The following PDS5B variants were observed in gnomAD, a reference collection of about 807,000 sequenced individuals.
PDS5B encodes the protein PDS5 cohesin associated factor B, also known as sister chromatid cohesion protein PDS5 homolog B.
PDS5B carries 51 observed loss-of-function variants against 184.1 expected under a neutral mutation model. That is an observed-to-expected ratio of 0.28 (90% CI 0.22 to 0.35). PDS5B has a LOEUF of 0.35. PDS5B is among the 10% of genes least tolerant of loss of function. The probability of loss-of-function intolerance (pLI) is 1.00; values close to 1 mark genes in which losing one functional copy is unlikely to be tolerated. For synonymous variants in PDS5B, 566 were observed against 569.2 expected (o/e 0.99, Z 0.08); for missense variants, 1,180 against 1,723.3 (o/e 0.68, Z 5.58).
At chr13:32,627,704 A>T (rs903496840) in intron 1 of PDS5B, among the ~76,000 whole-genome samples, 2 of 152,206 alleles carry the variant, frequency 1.3e-5, no homozygotes, top group Non-Finnish European at 2.9e-5. Flanking sequence ...AGTGATAAGT[A>T]TTAAGGATTG....
At chr13:32,713,423 A>G (rs959410070) in intron 19 of PDS5B, among the ~76,000 whole-genome samples, 10 of 152,236 alleles carry the variant, frequency 6.6e-5, no homozygotes, top group African/African-American at 2.4e-4. Flanking sequence ...TACTTAAATA[A>G]CTGTCTTAGT....
intron 1 of PDS5B, among the ~76,000 whole-genome samples, chr13:32,603,004 A>G (rs1004328321): frequency 2.5e-4 from 38 of 152,228 alleles, no homozygotes; most frequent in Non-Finnish European, 3.5e-4. Flanking sequence ...GCCCTTTGTC[A>G]GATGGGTAGA....
In PDS5B at chr13:32,745,867, A is replaced by AT. The variant is rs374166185; in HGVS notation, c.2613-101dup. On this transcript the variant is annotated intron_variant, in intron 23 of 34. Coordinates refer to ENST00000315596, the MANE Select transcript of PDS5B (RefSeq NM_015032.4). The stretch of plus-strand genomic sequence containing the variant: ...GGGACACAAACATTCAGATCACAGC[A>AT]TTTTTTTTTAAACTTTTTTGTGCCA... 1,260 of 846,046 alleles carry AT rather than the reference A, an allele frequency of 1.5e-3. 2 individuals carry two copies. Among genetic ancestry groups the AT allele is most frequent in the African/African-American group, 0.012 (716 of 58,136 alleles). 52.4% of individuals were successfully genotyped at this position (846,046 alleles called of 1,614,324 possible). A position where few individuals can be genotyped will look rare whatever the true frequency, so the allele number is the denominator to read the frequency against.
intron 13 of PDS5B, among the ~76,000 whole-genome samples, chr13:32,692,867 T>C (rs1951595573): frequency 6.7e-6 from 1 of 149,652 alleles, no homozygotes; most frequent in Non-Finnish European, 1.5e-5. Flanking sequence ...ATAAACATGT[T>C]ATAATACAAG....
intron 24 of PDS5B, among the ~76,000 whole-genome samples, chr13:32,746,320 C>T (rs908170401): frequency 6.6e-6 from 1 of 152,140 alleles, no homozygotes; most frequent in Admixed American, 6.5e-5. Context: ...TAGTTTTGTT[C>T]TATAATGTTA....
At chr13:32,691,299 C>T (rs1422514094) in intron 13 of PDS5B, 1 of 151,840 alleles carries the variant, frequency 6.6e-6, no homozygotes, top group East Asian at 1.9e-4. Context: ...TATTCTATTT[C>T]CAAGATTCAG....
chr13:32,745,583 A>T (rs1953714188), intron 23 of PDS5B, among the ~76,000 whole-genome samples: 1 of 152,200 alleles, frequency 6.6e-6, no homozygotes, highest in South Asian at 2.1e-4. Flanking sequence ...TATATCTCAC[A>T]GTTCTGGAGG....
intron 3 of PDS5B, 85 bp downstream of exon 3, chr13:32,652,092 G>T: frequency 2.3e-6 from 2 of 861,446 alleles, no homozygotes; most frequent in South Asian, 1.5e-5. Flanking sequence ...GTATTTAGAT[G>T]ATTTCCTTGG....
At chr13:32,685,710 A>G (rs1951366396) in intron 11 of PDS5B, among the ~76,000 whole-genome samples, 1 of 152,186 alleles carries the variant, frequency 6.6e-6, no homozygotes, top group Non-Finnish European at 1.5e-5. Flanking sequence ...CAGTGGTGCC[A>G]TCACGGCTCA....
chr13:32,673,168 T>G (rs1360270721), intron 7 of PDS5B, 48 bp from the exon 8 acceptor site: 3 of 1,524,626 alleles, frequency 2.0e-6, no homozygotes, highest in Non-Finnish European at 2.7e-6. Context: ...AACATTCAAC[T>G]TGTCTCTGGT....
At chr13:32,589,254 G>A (rs1277502521) in intron 1 of PDS5B, among the ~76,000 whole-genome samples, 1 of 152,118 alleles carries the variant, frequency 6.6e-6, no homozygotes, top group African/African-American at 2.4e-5. Flanking sequence ...AGATATCCTG[G>A]AAGCTTAGAA....
At chr13:32,768,469 TGGG>T (rs369810015) in intron 31 of PDS5B, among the ~76,000 whole-genome samples, 1 of 152,076 alleles carries the variant, frequency 6.6e-6, no homozygotes, top group African/African-American at 2.4e-5. Flanking sequence ...TCTTTGGTGG[TGGG>T]GGCCACAATT....
chr13:32,605,047 TG>T (rs1467621444), intron 1 of PDS5B, among the ~76,000 whole-genome samples: 1 of 152,222 alleles, frequency 6.6e-6, no homozygotes, highest in Non-Finnish European at 1.5e-5. Flanking sequence ...ATTGATATTT[TG>T]AAGGGTTTTT....
intron 20 of PDS5B, among the ~76,000 whole-genome samples, chr13:32,733,985 A>AAC (rs148714647): frequency 0.03 from 4,231 of 141,924 alleles, 67 homozygotes; most frequent in South Asian, 0.05. Context: ...CAAAAATTAA[A>AAC]ACACACACAC....
At chr13:32,703,872 T>TA (rs1951931683) in intron 17 of PDS5B, among the ~76,000 whole-genome samples, 1 of 152,228 alleles carries the variant, frequency 6.6e-6, no homozygotes, top group African/African-American at 2.4e-5. Flanking sequence ...ACTTTTTTTT[T>TA]CATTTATGTC....
At chr13:32,639,132 A>G (rs930282921) in intron 1 of PDS5B, among the ~76,000 whole-genome samples, 6 of 151,278 alleles carry the variant, frequency 4.0e-5, no homozygotes, top group Non-Finnish European at 5.9e-5. Flanking sequence ...CTATTAATAT[A>G]CAAGAATTAC....
At chr13:32,624,465 A>T (rs574074139) in intron 1 of PDS5B, among the ~76,000 whole-genome samples, 1 of 152,184 alleles carries the variant, frequency 6.6e-6, no homozygotes, top group African/African-American at 2.4e-5. Flanking sequence ...TAAAGTATTT[A>T]TTACTGTTCA....
chr13:32,725,889 A>G (rs1429489150), intron 19 of PDS5B, among the ~76,000 whole-genome samples: 3 of 152,122 alleles, frequency 2.0e-5, no homozygotes, highest in South Asian at 4.1e-4. Flanking sequence ...CATGTATCAT[A>G]TTAGAGATCT....
At chr13:32,767,658 A>T (rs1214623602) in intron 31 of PDS5B, among the ~76,000 whole-genome samples, 5 of 152,314 alleles carry the variant, frequency 3.3e-5, no homozygotes, top group Non-Finnish European at 7.4e-5. Flanking sequence ...ACCTATATGT[A>T]GAAAATCTCA....
Sources: gnomAD v4.1 joint callset for allele counts (sites outside exome capture counted in the v4.1 genomes callset) on GRCh38, gnomAD v4.1.1 for gene constraint, MANE v1.5 for transcripts, NCBI Gene and HGNC (gene_info 2026-07-23, HGNC 2026-07-21) for gene names.